The following SDK1 variants were observed in gnomAD, a reference collection of about 807,000 sequenced individuals.
The protein encoded by SDK1 is sidekick cell adhesion molecule 1, also known as protein sidekick-1.
Under a neutral mutation model 245.5 loss-of-function variants are expected in SDK1, and 157 were observed. The observed-to-expected ratio is 0.64, with a 90% CI of 0.56 to 0.73. SDK1 has a LOEUF of 0.73. Among genes scored for constraint, SDK1 ranks in the 30% least tolerant of loss-of-function variants. SDK1 has a pLI of 0.00. For missense variants in SDK1, 3,583 were observed against 3,002.3 expected, an observed-to-expected ratio of 1.19 and a Z score of -4.52; for synonymous variants, 1,647 against 1,278.5, an observed-to-expected ratio of 1.29 and a Z score of -6.15.
At chr7:3,867,599 T>A (rs971969452) in intron 5 of SDK1, among the ~76,000 whole-genome samples, 2 of 152,062 alleles carry the variant, frequency 1.3e-5, no homozygotes, top group African/African-American at 4.8e-5. Context: ...AACCATCAGA[T>A]CTCGTGAGAC....
At position 4,117,366 on chromosome 7, in the gene SDK1, G is replaced by A. The variant is rs529744835; in HGVS notation, c.3823+3092G>A. 3.9e-5 allele frequency among the ~76,000 whole-genome samples: 6 copies of A among 152,318 alleles called. No individual in the cohort carries two copies. In the East Asian group the frequency reaches 9.7e-4, roughly 25 times the overall value. ...ACCTGTAGCCCCAGCTCCTTGGGAGGCTGAGGCAGGAAGATGGCTTGGGCC... is the reference window on the plus strand; with the variant it reads ...ACCTGTAGCCCCAGCTCCTTGGGAGACTGAGGCAGGAAGATGGCTTGGGCC... On this transcript the variant is annotated intron_variant, in intron 25 of 44. Coordinates refer to ENST00000404826, the MANE Select transcript of SDK1 (RefSeq NM_152744.4).
At chr7:3,601,451 T>C (rs984777659) in intron 1 of SDK1, among the ~76,000 whole-genome samples, 2 of 152,054 alleles carry the variant, frequency 1.3e-5, no homozygotes, top group Non-Finnish European at 2.9e-5. Flanking sequence ...ATTTTAGTAG[T>C]TTGTAGTTTT....
rs149364333 is a variant in SDK1 at position 3,793,200 on chromosome 7, T to A, written c.714-28250T>A. On this transcript the variant is annotated intron_variant, in intron 4 of 44. Transcript: ENST00000404826. Reference sequence around the variant, plus strand: ...TATAATTTTAATATTTTGGTCTGTTTCCGTAAAAGACATTACATTTCTAAA... The same window carrying A: ...TATAATTTTAATATTTTGGTCTGTTACCGTAAAAGACATTACATTTCTAAA... Among the ~76,000 whole-genome samples the A allele has an allele frequency of 2.8e-4, 42 of 152,302 alleles. 1 individual carries two copies. In the East Asian group the frequency reaches 7.1e-3, roughly 26 times the overall value.
rs1044901218 is a variant in SDK1 at position 3,701,434 on chromosome 7, G to A, written c.713+59329G>A. 2.6e-5 allele frequency among the ~76,000 whole-genome samples: 4 copies of A among 152,082 alleles called. No homozygotes were observed. The East Asian group carries it at 5.8e-4, about 22-fold the overall frequency. ...AAAATCGTAGCAAGACTTTGTGTAGGTACAGAAAAGATTGTTCTAGTTGGG... is the reference window on the plus strand; with the variant it reads ...AAAATCGTAGCAAGACTTTGTGTAGATACAGAAAAGATTGTTCTAGTTGGG... On this transcript the variant is annotated intron_variant, in intron 4 of 44. Transcript: ENST00000404826.
rs146453380 is a variant in SDK1, at chr7:4,020,322, G to A, written c.2602+2970G>A. ...CTGGCTTGGCTGGCTGCACAGCCTT[G>A]ATGCCTCAGTGTAGTCAAATGCACT... On this transcript the variant is annotated intron_variant, in intron 17 of 44. Coordinates refer to ENST00000404826, the MANE Select transcript of SDK1 (RefSeq NM_152744.4). 5.2e-4 allele frequency among the ~76,000 whole-genome samples: 79 copies of A among 152,236 alleles called. No homozygotes were observed. In the East Asian group the frequency reaches 0.014, roughly 27 times the overall value.
chr7:3,933,527 A>G (rs73296604), intron 5 of SDK1, among the ~76,000 whole-genome samples: 2,767 of 152,286 alleles, frequency 0.018, 84 homozygotes, highest in African/African-American at 0.062. Context: ...ATTTTGGAAC[A>G]TTGAGTAGTC....
chr7:3,541,129 C>A (rs1011156508), intron 1 of SDK1, among the ~76,000 whole-genome samples: 1 of 152,126 alleles, frequency 6.6e-6, no homozygotes, highest in Non-Finnish European at 1.5e-5. Flanking sequence ...CATTCTGATT[C>A]GAAATTGAAC....
chr7:3,312,074 C>G (rs1779563751), intron 1 of SDK1, among the ~76,000 whole-genome samples: 1 of 152,154 alleles, frequency 6.6e-6, no homozygotes, highest in Non-Finnish European at 1.5e-5. Flanking sequence ...GTGTAGGAAA[C>G]TTGCTGTCCT....
rs79598993 is a variant in SDK1, at chr7:3,396,741, A to G, written c.298+94857A>G. Among the ~76,000 whole-genome samples, 559 of 151,638 alleles carry G rather than the reference A, an allele frequency of 3.7e-3. 7 individuals are homozygous for G. In the East Asian group the frequency reaches 0.053, roughly 14 times the overall value. On this transcript the variant is annotated intron_variant, in intron 1 of 44. Coordinates refer to ENST00000404826, the MANE Select transcript of SDK1 (RefSeq NM_152744.4). ...GTTTTCAACTGATCTGTATCTTTGT[A>G]TCTAATGTGAATCTCTTCCAGACAG...
chr7:3,335,320 C>A (rs1179396529), intron 1 of SDK1, among the ~76,000 whole-genome samples: 2 of 152,174 alleles, frequency 1.3e-5, no homozygotes, highest in Non-Finnish European at 2.9e-5. Flanking sequence ...GCATTATCCA[C>A]CTGGCTTACC....
chr7:4,116,504 T>C (rs1783720064), intron 25 of SDK1, among the ~76,000 whole-genome samples: 1 of 152,186 alleles, frequency 6.6e-6, no homozygotes, highest in Admixed American at 6.5e-5. Flanking sequence ...TTCTTGCTCA[T>C]TCCCCGGGTC....
rs79368603 is a variant in SDK1, at chr7:3,779,103, C to T, written c.714-42347C>T. On this transcript the variant is annotated intron_variant, in intron 4 of 44. Transcript: ENST00000404826. ...TTTTATCATTTGGCTAAGAATTCTG[C>T]GGAGTTTCTTTTCTGATTATATTAT... 9.3e-3 allele frequency among the ~76,000 whole-genome samples: 1,413 copies of T among 152,124 alleles called. 18 individuals carry two copies. The highest frequency in any genetic ancestry group is 0.034 in the Admixed American group (527 of 15,282).
chr7:3,582,304 C>CCTCAGGTAGGTCTGT lies in SDK1; in HGVS notation c.299-36747_299-36733dup, dbSNP rs1562579775. On this transcript the variant is annotated intron_variant, in intron 1 of 44. Transcript: ENST00000404826. ...GGTAGGTCTGTCTCAGGTAGGTCTC[C>CCTCAGGTAGGTCTGT]CTCAGGTAGGTCTGTCTCAGGTAGG... 4.6e-4 allele frequency among the ~76,000 whole-genome samples: 67 copies of CCTCAGGTAGGTCTGT among 144,094 alleles called. 1 individual carries two copies. Among genetic ancestry groups the CCTCAGGTAGGTCTGT allele is most frequent in the African/African-American group, 1.6e-3 (60 of 37,332 alleles). 94.5% of individuals were successfully genotyped at this position (144,094 alleles called of 152,430 possible). A position where few individuals can be genotyped will look rare whatever the true frequency, so the allele number is the denominator to read the frequency against.
chr7:3,356,187 T>C lies in SDK1; in HGVS notation c.298+54303T>C, dbSNP rs1200923038. 3.3e-5 allele frequency among the ~76,000 whole-genome samples: 5 copies of C among 152,186 alleles called. No homozygotes were observed. In the East Asian group the frequency reaches 7.7e-4, roughly 23 times the overall value. On this transcript the variant is annotated intron_variant, in intron 1 of 44. Coordinates refer to ENST00000404826, the MANE Select transcript of SDK1 (RefSeq NM_152744.4). ...CAGTTAATATAAATATCTGTAGTTT[T>C]GGAAAATTGAGACAGTGCTTGCCCT... is the stretch of plus-strand genomic sequence containing the variant.
At chr7:3,841,065 T>G (rs1780144918) in intron 5 of SDK1, among the ~76,000 whole-genome samples, 1 of 152,148 alleles carries the variant, frequency 6.6e-6, no homozygotes, top group South Asian at 2.1e-4. Flanking sequence ...CTCACTTGTC[T>G]CCAATCCCAG....
At chr7:4,248,087 A>C (rs1787011327) in intron 44 of SDK1, among the ~76,000 whole-genome samples, 1 of 152,172 alleles carries the variant, frequency 6.6e-6, no homozygotes, top group South Asian at 2.1e-4. Context: ...TAACATCGGC[A>C]AATGTTTATG....
intron 35 of SDK1, among the ~76,000 whole-genome samples, chr7:4,191,998 C>T (rs1330181139): frequency 1.3e-5 from 2 of 152,236 alleles, no homozygotes; most frequent in Non-Finnish European, 2.9e-5. Flanking sequence ...CCCTGCTCCT[C>T]CTCTCCAGCC....
chr7:3,829,336 A>T (rs1779857982), intron 5 of SDK1, among the ~76,000 whole-genome samples: 1 of 152,180 alleles, frequency 6.6e-6, no homozygotes, highest in Non-Finnish European at 1.5e-5. Flanking sequence ...AGTACTGTTG[A>T]TGACCCTCTA....
intron 1 of SDK1, among the ~76,000 whole-genome samples, chr7:3,532,113 A>G (rs1180229422): frequency 6.6e-6 from 1 of 152,160 alleles, no homozygotes; most frequent in Non-Finnish European, 1.5e-5. Context: ...ACTTTTCTGT[A>G]TCTTTTCAAT....
Sources: allele counts gnomAD v4.1 joint callset (sites outside exome capture counted in the v4.1 genomes callset), GRCh38; gene constraint gnomAD v4.1.1; transcripts MANE v1.5; gene names NCBI Gene and HGNC (gene_info 2026-07-23, HGNC 2026-07-21).